The following SCUBE1 variants were observed in gnomAD, a reference collection of about 807,000 sequenced individuals.
SCUBE1 encodes signal peptide, CUB domain and EGF like domain containing 1, also known as signal peptide, CUB and EGF-like domain-containing protein 1.
Under a neutral mutation model 124.4 loss-of-function variants are expected in SCUBE1, and 59 were observed. That is an observed-to-expected ratio of 0.47 (90% CI 0.38 to 0.59). The LOEUF (loss-of-function observed/expected upper bound fraction) is 0.59. Ranked by LOEUF, SCUBE1 falls within the 20% of genes least tolerant of loss-of-function variation. The pLI is 0.00. For synonymous variants in SCUBE1, 545 were observed against 550.9 expected (o/e 0.99, Z 0.15); for missense variants, 1,150 against 1,371.2 (o/e 0.84, Z 2.55).
At chr22:43,285,051 G>A (rs189379380) in intron 4 of SCUBE1, among the ~76,000 whole-genome samples, 30 of 152,272 alleles carry the variant, frequency 2.0e-4, no homozygotes, top group Admixed American at 8.5e-4. Flanking sequence ...CAGTCCTTGC[G>A]GGGAGAACCT....
intron 7 of SCUBE1, chr22:43,237,726 C>T (rs935364418): frequency 6.6e-6 from 1 of 152,196 alleles, no homozygotes; most frequent in Non-Finnish European, 1.5e-5. Context: ...AAAAAAAGTC[C>T]ACCTCAAGCT....
At chr22:43,228,999 G>A in intron 9 of SCUBE1, 73 bp downstream of exon 9, 1 of 1,062,208 alleles carries the variant, frequency 9.4e-7, no homozygotes, top group Non-Finnish European at 1.4e-6. Flanking sequence ...GGGATGCGGG[G>A]TGCAGTGTAG....
intron 4 of SCUBE1, among the ~76,000 whole-genome samples, chr22:43,287,243 T>C (rs1036244706): frequency 6.6e-6 from 1 of 152,214 alleles, no homozygotes; most frequent in African/African-American, 2.4e-5. Context: ...GAGGAGCCTG[T>C]GTGTGTCCCC....
chr22:43,327,137 C>A (rs1437143322), intron 2 of SCUBE1, among the ~76,000 whole-genome samples: 1 of 152,140 alleles, frequency 6.6e-6, no homozygotes, highest in Non-Finnish European at 1.5e-5. Flanking sequence ...ACTCTCATGA[C>A]ATGTCAGGCA....
rs145846711 is a variant in SCUBE1, at chr22:43,210,981, G to A, written c.2324C>T (p.Thr775Ile). 1.0e-4 allele frequency: 168 copies of A among 1,614,150 alleles called. No individual in the cohort carries two copies. The African/African-American group carries it at 2.0e-3, about 19-fold the overall frequency. Residue 775 changes from threonine (T) to isoleucine (I), a missense_variant, in exon 18 of 22, where the codon ACC becomes ATC. By Grantham distance (89) the Thr-to-Ile change is moderately conservative (BLOSUM62 -1). Coordinates refer to ENST00000360835, the MANE Select transcript of SCUBE1 (RefSeq NM_173050.5). This position sits in a 1 kb window ranked among gnomAD's most constrained non-coding sequence, Gnocchi z 4.5. ...GTCTGTGCTGGTGTTGCCCGGACAG[G>A]TGATGCAGTGGTTCTGGCCAAACTC... ...QPEFGQNHCI[T>I]CPGNTSTDFD... is the part of the protein sequence containing the mutation.
At chr22:43,293,756 T>C (rs1925458487) in intron 3 of SCUBE1, among the ~76,000 whole-genome samples, 1 of 152,210 alleles carries the variant, frequency 6.6e-6, no homozygotes, top group Admixed American at 6.5e-5. Flanking sequence ...TCAGATTCCC[T>C]GCTCTGCGCC....
Position 43,258,187 on chromosome 22 carries a change from A to C in SCUBE1, c.727+32T>G. The C allele has an allele frequency of 1.4e-6, 2 of 1,460,030 alleles. No individual in the cohort carries two copies. The highest frequency in any genetic ancestry group is 1.9e-6 in the Non-Finnish European group (2 of 1,042,908). 90.4% of individuals were successfully genotyped at this position (1,460,030 alleles called of 1,614,324 possible). On this transcript the variant is annotated intron_variant, in intron 6 of 21. Transcript: ENST00000360835. The surrounding 1 kb of genome is among the most constrained non-coding windows in gnomAD (Gnocchi z 5.0). Reference sequence around the variant, plus strand: ...ATGGGGGGTCGGGGGCGGGGGGCGCAAGGGTGGTGTGTGGCAGAGGTGCCT... The same window carrying C: ...ATGGGGGGTCGGGGGCGGGGGGCGCCAGGGTGGTGTGTGGCAGAGGTGCCT...
In SCUBE1 at chr22:43,202,190, A is replaced by G. The variant is rs1400979030; in HGVS notation, c.*1807T>C. The G allele has an allele frequency of 6.6e-6, 1 of 152,228 alleles. No individual in the cohort carries two copies. Among genetic ancestry groups the G allele is most frequent in the Non-Finnish European group, 1.5e-5 (1 of 68,066 alleles). 9.4% of individuals were successfully genotyped at this position (152,228 alleles called of 1,614,324 possible). A position where few individuals can be genotyped will look rare whatever the true frequency, so the allele number is the denominator to read the frequency against. ...AGCTCCGGGCCCTCTTTTGGACTGT[A>G]GAATATGTGATCACGGCCTACCTCG... On this transcript the variant is annotated 3_prime_UTR_variant, in exon 22 of 22. Transcript: ENST00000360835.
intron 4 of SCUBE1, among the ~76,000 whole-genome samples, chr22:43,278,510 C>T (rs1924627540): frequency 6.6e-6 from 1 of 152,216 alleles, no homozygotes; most frequent in South Asian, 2.1e-4. Context: ...TGCTAGGGCC[C>T]CTCAGGTCAA....
chr22:43,260,491 G>A (rs1022316809), intron 5 of SCUBE1, among the ~76,000 whole-genome samples: 2 of 152,232 alleles, frequency 1.3e-5, no homozygotes, highest in Non-Finnish European at 2.9e-5. Context: ...GAGGCTGCTT[G>A]GCTAAGCCAG....
At chr22:43,223,336 C>A in intron 10 of SCUBE1, 120 bp from the exon 11 acceptor site, 1 of 1,229,184 alleles carries the variant, frequency 8.1e-7, no homozygotes, top group East Asian at 2.8e-5. Flanking sequence ...CATGGCTGGG[C>A]TGGCTTGGTG....
chr22:43,342,062 C>T (rs1015024555), intron 1 of SCUBE1, among the ~76,000 whole-genome samples: 4 of 152,100 alleles, frequency 2.6e-5, no homozygotes, highest in South Asian at 2.1e-4. Context: ...ACTCGGGGCA[C>T]GCGGGACCAC....
In SCUBE1 at chr22:43,272,906, T is replaced by A. The variant is rs572997789; in HGVS notation, c.485-10061A>T. ...CAGTGACTGTCCTGGGTCACGCGGC[T>A]GTGACTTGCCCTGGTCACGCAGCTG... On this transcript the variant is annotated intron_variant, in intron 4 of 21. Coordinates refer to ENST00000360835, the MANE Select transcript of SCUBE1 (RefSeq NM_173050.5). 3.9e-4 allele frequency among the ~76,000 whole-genome samples: 60 copies of A among 152,338 alleles called. No individual in the cohort carries two copies. In the South Asian group the frequency reaches 8.9e-3, roughly 23 times the overall value.
rs148580570 is a variant in SCUBE1 at position 43,299,879 on chromosome 22, A to G, written c.350-8699T>C. On this transcript the variant is annotated intron_variant, in intron 3 of 21. Coordinates refer to ENST00000360835, the MANE Select transcript of SCUBE1 (RefSeq NM_173050.5). ...CATTTCATGTAAAGAGAGTCATGCGATATTTGTCTTTGTGTGTCTGGCTTC... is the reference window on the plus strand; with the variant it reads ...CATTTCATGTAAAGAGAGTCATGCGGTATTTGTCTTTGTGTGTCTGGCTTC... 4.4e-3 allele frequency among the ~76,000 whole-genome samples: 663 copies of G among 152,188 alleles called. 3 individuals are homozygous for G. Among genetic ancestry groups the G allele is most frequent in the African/African-American group, 0.015 (634 of 41,520 alleles).
At chr22:43,317,455 A>G (rs994011038) in intron 3 of SCUBE1, among the ~76,000 whole-genome samples, 6 of 152,164 alleles carry the variant, frequency 3.9e-5, no homozygotes, top group Non-Finnish European at 8.8e-5. Flanking sequence ...CCATCTGGAC[A>G]TTATCTCAGT....
intron 4 of SCUBE1, among the ~76,000 whole-genome samples, chr22:43,277,203 C>A (rs1569007529): frequency 1.3e-5 from 2 of 152,070 alleles, no homozygotes; most frequent in Admixed American, 1.3e-4. Context: ...ACAGAGGGAG[C>A]TGTGTGGGCA....
At chr22:43,229,412 C>G (rs993289776) in intron 8 of SCUBE1, among the ~76,000 whole-genome samples, 1 of 152,218 alleles carries the variant, frequency 6.6e-6, no homozygotes, top group Non-Finnish European at 1.5e-5. Context: ...CACCTCACGT[C>G]TTTTCTGGAG....
intron 7 of SCUBE1, among the ~76,000 whole-genome samples, chr22:43,236,700 C>T (rs1922777289): frequency 6.6e-6 from 1 of 152,148 alleles, no homozygotes; most frequent in African/African-American, 2.4e-5. Flanking sequence ...CTGATAAATG[C>T]CTCTTCCCCT....
At chr22:43,295,443 G>A (rs1925520682) in intron 3 of SCUBE1, among the ~76,000 whole-genome samples, 2 of 152,262 alleles carry the variant, frequency 1.3e-5, no homozygotes, top group South Asian at 4.1e-4. Context: ...AGTGACAGGA[G>A]GGTAAATGGG....
Sources: gnomAD v4.1 joint callset for allele counts (sites outside exome capture counted in the v4.1 genomes callset) on GRCh38, gnomAD v4.1.1 for gene constraint, Gnocchi (gnomAD v3.1) non-coding constraint, MANE v1.5 for transcripts, NCBI Gene and HGNC (gene_info 2026-07-23, HGNC 2026-07-21) for gene names.